Variants in PHC1 observed in about 807,000 individuals in gnomAD.
PHC1 encodes the protein polyhomeotic homolog 1.
Under a neutral mutation model 104.3 loss-of-function variants are expected in PHC1, and 12 were observed. That is an observed-to-expected ratio of 0.12 (90% confidence interval 0.07 to 0.19). The LOEUF (loss-of-function observed/expected upper bound fraction) is 0.19. Ranked by LOEUF, PHC1 falls within the 10% of genes least tolerant of loss-of-function variation. PHC1 has a pLI of 1.00. For missense variants in PHC1, 671 were observed against 1,200.0 expected, an observed-to-expected ratio of 0.56 and a Z score of 6.51; for synonymous variants, 302 against 455.8, an observed-to-expected ratio of 0.66 and a Z score of 4.30.
At position 8,922,803 on chromosome 12, in the gene PHC1, C is replaced by G; in HGVS notation, c.612+15C>G. The G allele has an allele frequency of 6.2e-7, 1 of 1,610,606 alleles. No homozygotes were observed. The highest frequency in any genetic ancestry group is 8.5e-7 in the Non-Finnish European group (1 of 1,178,254). ...ATGCAGATCAGGTTAGTGGCGATGA[C>G]TTTACCTGTGGGTGGGCACTGGGCA... On this transcript the variant is annotated intron_variant, in intron 6 of 14. Transcript: ENST00000544916.
In PHC1 at chr12:8,937,260, C is replaced by T. The variant is rs1253879716; in HGVS notation, c.2562C>T (p.Arg854=). 2 of 1,612,800 alleles carry T rather than the reference C, an allele frequency of 1.2e-6. No homozygotes were observed. Among genetic ancestry groups the T allele is most frequent in the Admixed American group, 1.7e-5 (1 of 59,864 alleles). ...EFQEANYARV[R]RRGPRRSSSD... ...AAGAAGCCAACTATGCTCGCGTTCG[C>T]AGGCGTGGACCCCGCCGCAGCTCCT... The change falls in exon 13 of 15, where the codon CGC becomes CGT. Residue 854 remains arginine, a synonymous_variant. Coordinates refer to ENST00000544916, the MANE Select transcript of PHC1 (RefSeq NM_004426.3).
chr12:8,933,328 A>T lies in PHC1; in HGVS notation c.1871A>T (p.Tyr624Phe). Residue 624 changes from tyrosine to phenylalanine, a missense_variant, in exon 8 of 15, where the codon TAT becomes TTT. Around this residue, in one of 9 missense-constraint regions of PHC1, gnomAD observed 95 missense variants for 108.8 expected, o/e 0.87. Transcript: ENST00000544916. ...PVVAQVPAAF[Y>F]MQSVHLPGKP... ...GTAGCCCAGGTCCCTGCTGCCTTCT[A>T]TATGCAGTCTGTGCACTTGCCGGTG... 2 of 1,540,948 alleles carry T rather than the reference A, an allele frequency of 1.3e-6. No homozygotes were observed. The highest frequency in any genetic ancestry group is 1.8e-6 in the Non-Finnish European group (2 of 1,136,210).
intron 6 of PHC1, among the ~76,000 whole-genome samples, chr12:8,928,627 A>G (rs1418821890): frequency 6.6e-6 from 1 of 152,190 alleles, no homozygotes; most frequent in Non-Finnish European, 1.5e-5. Flanking sequence ...AAGGTACACA[A>G]AAACAGAAAA....
In PHC1 at chr12:8,937,297, C is replaced by G. The variant is rs189741375; in HGVS notation, c.2599C>G (p.Arg867Gly). 6.2e-7 allele frequency: 1 copy of G among 1,610,168 alleles called. No homozygotes were observed. The highest frequency in any genetic ancestry group is 2.2e-5 in the East Asian group (1 of 44,752). Residue 867 changes from arginine to glycine, a missense_variant, in exon 13 of 15, where the codon CGT becomes GGT. Arg to Gly is a moderately radical substitution (Grantham distance 125). This residue lies in a region of PHC1 where 192 missense variants were observed against 280.5 expected (regional missense o/e 0.68). Transcript: ENST00000544916. The stretch of plus-strand genomic sequence containing the variant: ...CCGCCGCAGCTCCTCTGACATTGCC[C>G]GTGCCAAGATTCAGGGCAAGTGCCA... Reference protein sequence around the residue: ...GPRRSSSDIARAKIQGKCHRG... With the variant: ...GPRRSSSDIAGAKIQGKCHRG...
At chr12:8,937,021 A>AC in intron 12 of PHC1, 57 bp downstream of exon 12, 4 of 1,405,308 alleles carry the variant, frequency 2.8e-6, no homozygotes, top group Non-Finnish European at 4.0e-6. Context: ...CTAATGTTAC[A>AC]CCCCTTCCCC....
intron 2 of PHC1, among the ~76,000 whole-genome samples, chr12:8,918,935 A>G (rs1426917480): frequency 6.6e-6 from 1 of 152,208 alleles, no homozygotes; most frequent in Admixed American, 6.5e-5. Flanking sequence ...TATACAGTAT[A>G]GGCTGTTACT....
chr12:8,919,963 C>T lies in PHC1; in HGVS notation c.225+97C>T. On this transcript the variant is annotated intron_variant, in intron 3 of 14. Coordinates refer to ENST00000544916, the MANE Select transcript of PHC1 (RefSeq NM_004426.3). This position sits in a 1 kb window ranked among gnomAD's most constrained non-coding sequence, Gnocchi z 4.9. The stretch of plus-strand genomic sequence containing the variant: ...GGGCATATAGCATCCTATACTAAGC[C>T]AGGCTGCAGACAGCCTCCTCCGCCT... 6.6e-7 allele frequency: 1 copy of T among 1,521,188 alleles called. No individual in the cohort carries two copies. The highest frequency in any genetic ancestry group is 1.2e-5 in the South Asian group (1 of 82,662). The allele number at this position is 1,521,188 out of a possible 1,614,324, so 94.2% of individuals were successfully genotyped here. A position where few individuals can be genotyped will look rare whatever the true frequency, so the allele number is the denominator to read the frequency against.
In PHC1 at chr12:8,930,424, G is replaced by T. The variant is rs755973296; in HGVS notation, c.613-11G>T. ...CCTCCTTTTCTCAATCTGTTTTTTCGTATCTTTCAGGTTCAGAACTTGGCA... is the reference window on the plus strand; with the variant it reads ...CCTCCTTTTCTCAATCTGTTTTTTCTTATCTTTCAGGTTCAGAACTTGGCA... On this transcript the variant is annotated splice_polypyrimidine_tract_variant and intron_variant, in intron 6 of 14. Transcript: ENST00000544916. 2 of 1,607,090 alleles carry T rather than the reference G, an allele frequency of 1.2e-6. No individual in the cohort carries two copies. The highest frequency in any genetic ancestry group is 1.1e-5 in the South Asian group (1 of 89,966).
chr12:8,922,859 C>G (rs1945405707), intron 6 of PHC1, 71 bp downstream of exon 6: 4 of 1,350,582 alleles, frequency 3.0e-6, no homozygotes, highest in African/African-American at 1.4e-5. Context: ...GACCTGGGTC[C>G]ACCCTTCTGC....
chr12:8,918,614 C>T (rs946252293), intron 2 of PHC1, among the ~76,000 whole-genome samples: 3 of 152,136 alleles, frequency 2.0e-5, no homozygotes, highest in African/African-American at 7.2e-5. Flanking sequence ...ACTATAGGCA[C>T]ACTCCACCAT....
intron 1 of PHC1, chr12:8,915,835 T>G (rs1286497935): frequency 6.5e-6 from 1 of 154,060 alleles, no homozygotes; most frequent in Non-Finnish European, 1.5e-5. Context: ...CATTTTTATT[T>G]CTAGTTCACA....
chr12:8,917,398 C>T (rs912452545), intron 1 of PHC1, among the ~76,000 whole-genome samples: 7 of 152,046 alleles, frequency 4.6e-5, no homozygotes, highest in African/African-American at 7.3e-5. Flanking sequence ...TGAGGGAATA[C>T]GTAAAGGTTG....
intron 3 of PHC1, among the ~76,000 whole-genome samples, chr12:8,920,707 CA>C (rs1349019358): frequency 6.6e-6 from 1 of 151,798 alleles, no homozygotes; most frequent in Admixed American, 6.6e-5. Flanking sequence ...GACTCCTTCT[CA>C]AAAAAAATAC....
chr12:8,922,568 T>C, intron 5 of PHC1, 65 bp from the exon 6 acceptor site: 1 of 1,402,978 alleles, frequency 7.1e-7, no homozygotes, highest in Non-Finnish European at 9.8e-7. Context: ...GTCCTTCCTT[T>C]CCATCTCTTC....
chr12:8,914,586 G>C lies in PHC1; in HGVS notation c.-290G>C, dbSNP rs1157035454. ...AAGTGACAGGCCCGGAGCGAGCCCC[G>C]GAGGCCTGGCTGAGCCGCGGCCGGG... is the stretch of plus-strand genomic sequence containing the variant. On this transcript the variant is annotated 5_prime_UTR_variant, in exon 1 of 15. Transcript: ENST00000544916. 1 of 150,918 alleles carries C rather than the reference G, an allele frequency of 6.6e-6. No homozygotes were observed. Among genetic ancestry groups the C allele is most frequent in the Non-Finnish European group, 1.5e-5 (1 of 67,618 alleles). 9.3% of individuals were successfully genotyped at this position (150,918 alleles called of 1,614,324 possible). A position where few individuals can be genotyped will look rare whatever the true frequency, so the allele number is the denominator to read the frequency against.
intron 6 of PHC1, among the ~76,000 whole-genome samples, chr12:8,928,710 C>A (rs1945599544): frequency 6.6e-6 from 1 of 152,196 alleles, no homozygotes; most frequent in Admixed American, 6.5e-5. Context: ...TCAGGCCCTT[C>A]TCTGCCTGTG....
Position 8,921,544 on chromosome 12 carries a change from A to T in PHC1, c.307-57A>T, listed in dbSNP as rs1945363241. The T allele has an allele frequency of 9.8e-6, 15 of 1,528,948 alleles. 1 individual carries two copies. The South Asian group carries it at 1.7e-4, about 17-fold the overall frequency. 94.7% of individuals were successfully genotyped at this position (1,528,948 alleles called of 1,614,324 possible). On this transcript the variant is annotated intron_variant, in intron 4 of 14. Coordinates refer to ENST00000544916, the MANE Select transcript of PHC1 (RefSeq NM_004426.3). ...GTGACTCTGAATTTGTCAGTCACGT[A>T]CCTTTCCTTTTACTTCTCCCAAATC...
Position 8,919,712 on chromosome 12 carries a change from C to G in PHC1, c.115-44C>G. 1 of 1,554,292 alleles carries G rather than the reference C, an allele frequency of 6.4e-7. No individual in the cohort carries two copies. The highest frequency in any genetic ancestry group is 8.8e-7 in the Non-Finnish European group (1 of 1,135,452). On this transcript the variant is annotated intron_variant, in intron 2 of 14. Transcript: ENST00000544916. This position sits in a 1 kb window ranked among gnomAD's most constrained non-coding sequence, Gnocchi z 4.9. ...TACAGTGATTTACATAGAATAGGAG[C>G]TAGGAGTGGTCCATTCTAAATGTTT...
Position 8,924,200 on chromosome 12 carries a change from G to A in PHC1, c.612+1412G>A, listed in dbSNP as rs146296234. Among the ~76,000 whole-genome samples, 15 of 152,284 alleles carry A rather than the reference G, an allele frequency of 9.9e-5. No individual in the cohort carries two copies. In the East Asian group the frequency reaches 2.7e-3, roughly 27 times the overall value. On this transcript the variant is annotated intron_variant, in intron 6 of 14. Coordinates refer to ENST00000544916, the MANE Select transcript of PHC1 (RefSeq NM_004426.3). ...ACAATGAAAGTGCTAAATTAGGCTG[G>A]GCATGGTGGCTCACTCTTGTAATCT...
Sources: allele counts gnomAD v4.1 joint callset (sites outside exome capture counted in the v4.1 genomes callset), GRCh38; gene constraint gnomAD v4.1.1; regional missense constraint gnomAD v4.1.1; non-coding constraint Gnocchi (gnomAD v3.1); transcripts MANE v1.5; gene names NCBI Gene and HGNC (gene_info 2026-07-23, HGNC 2026-07-21).